RORA: variants seen among roughly 807,000 people sequenced by gnomAD.
RORA encodes RAR related orphan receptor A.
Under a neutral mutation model 69.5 loss-of-function variants are expected in RORA, and 7 were observed. The ratio of observed to expected loss-of-function variants is 0.10; its 90% CI spans 0.06 to 0.19. The LOEUF (loss-of-function observed/expected upper bound fraction) is 0.19. RORA is among the 10% of genes least tolerant of loss of function. The pLI, the probability that RORA is intolerant of heterozygous loss-of-function variation, is 1.00. For missense variants in RORA, 457 were observed against 663.0 expected, an observed-to-expected ratio of 0.69 and a Z score of 3.41; for synonymous variants, 261 against 240.8, an observed-to-expected ratio of 1.08 and a Z score of -0.78.
At chr15:60,992,640 C>A (rs529554530) in intron 1 of RORA, among the ~76,000 whole-genome samples, 2 of 152,006 alleles carry the variant, frequency 1.3e-5, no homozygotes, top group African/African-American at 2.4e-5. Flanking sequence ...ATCTACTCAT[C>A]TGTCGTCATC....
At chr15:61,014,097 A>C (rs1009049513) in intron 1 of RORA, among the ~76,000 whole-genome samples, 1 of 152,114 alleles carries the variant, frequency 6.6e-6, no homozygotes, top group Non-Finnish European at 1.5e-5. Context: ...TGGCTTTTTA[A>C]ATAACAGCTC....
chr15:60,943,692 G>C (rs566570193), intron 1 of RORA, among the ~76,000 whole-genome samples: 1 of 151,910 alleles, frequency 6.6e-6, no homozygotes, highest in African/African-American at 2.4e-5. Context: ...GAGGTGGGGG[G>C]ATTGCCTGAG....
chr15:60,943,227 G>T (rs1296955436), intron 1 of RORA, among the ~76,000 whole-genome samples: 1 of 152,188 alleles, frequency 6.6e-6, no homozygotes, highest in Admixed American at 6.5e-5. Context: ...AGGGTGCTGA[G>T]GAAGACTGCC....
intron 1 of RORA, among the ~76,000 whole-genome samples, chr15:60,974,612 A>G (rs915879359): frequency 2.0e-5 from 3 of 152,202 alleles, no homozygotes; most frequent in African/African-American, 7.2e-5. Flanking sequence ...TTAGCCCTCT[A>G]AAGGCCTCAT....
At chr15:60,829,522 G>T (rs766504064) in intron 1 of RORA, among the ~76,000 whole-genome samples, 19 of 152,188 alleles carry the variant, frequency 1.2e-4, no homozygotes, top group Non-Finnish European at 2.8e-4. Flanking sequence ...TGACTAGGAA[G>T]AAACTTCACA....
chr15:60,941,627 C>A (rs1361881658), intron 1 of RORA, among the ~76,000 whole-genome samples: 1 of 152,208 alleles, frequency 6.6e-6, no homozygotes, highest in Non-Finnish European at 1.5e-5. Context: ...CTCCAGTGTA[C>A]TTTATTTTTA....
rs903403946 is a variant in RORA at position 60,636,450 on chromosome 15, G to A, written c.196+42207C>T. Among the ~76,000 whole-genome samples the A allele has an allele frequency of 1.1e-4, 17 of 152,082 alleles. No homozygotes were observed. The South Asian group carries it at 2.1e-3, about 19-fold the overall frequency. On this transcript the variant is annotated intron_variant, in intron 2 of 10. Transcript: ENST00000335670. ...CAATTACTTTTAATAGCGAATCCCC[G>A]CCCCCCAAAATCATCTAGCAATCTG...
At chr15:60,663,532 T>A (rs1369436060) in intron 2 of RORA, among the ~76,000 whole-genome samples, 2 of 152,264 alleles carry the variant, frequency 1.3e-5, no homozygotes, top group Admixed American at 1.3e-4. Context: ...GTTGGCTCAC[T>A]GCAACCTCTG....
chr15:61,194,320 G>C (rs1260157205), intron 1 of RORA, among the ~76,000 whole-genome samples: 1 of 152,184 alleles, frequency 6.6e-6, no homozygotes, highest in East Asian at 1.9e-4. Context: ...AGCACTTTGG[G>C]AGGCAGAGGC....
chr15:60,489,473 A>T lies in RORA; in HGVS notation c.*7982T>A, dbSNP rs1192554214. 6.6e-6 allele frequency: 1 copy of T among 152,244 alleles called. No individual in the cohort carries two copies. Among genetic ancestry groups the T allele is most frequent in the Non-Finnish European group, 1.5e-5 (1 of 68,042 alleles). 9.4% of individuals were successfully genotyped at this position (152,244 alleles called of 1,614,324 possible). ...GTAATATTACAGAACAATTCTAATC[A>T]ATATTTAATAAGGTTAACTACATCC... On this transcript the variant is annotated 3_prime_UTR_variant, in exon 11 of 11. Coordinates refer to ENST00000335670, the MANE Select transcript of RORA (RefSeq NM_134261.3).
At chr15:60,836,108 T>C (rs2073111349) in intron 1 of RORA, among the ~76,000 whole-genome samples, 1 of 152,216 alleles carries the variant, frequency 6.6e-6, no homozygotes, top group South Asian at 2.1e-4. Flanking sequence ...CAAACTTGGT[T>C]TGTTTTTGAA....
chr15:61,007,707 G>GT (rs1894950843), intron 1 of RORA, among the ~76,000 whole-genome samples: 2 of 148,320 alleles, frequency 1.3e-5, no homozygotes, highest in Non-Finnish European at 3.0e-5. Flanking sequence ...TTAGGCTAAT[G>GT]TTATATAGGC....
At chr15:60,866,718 G>T (rs936281621) in intron 1 of RORA, among the ~76,000 whole-genome samples, 2 of 152,168 alleles carry the variant, frequency 1.3e-5, no homozygotes, top group Admixed American at 6.5e-5. Context: ...GAGATTCCAG[G>T]TTGCTGAAGA....
intron 1 of RORA, among the ~76,000 whole-genome samples, chr15:61,171,091 T>C (rs2079581031): frequency 6.6e-6 from 1 of 152,206 alleles, no homozygotes; most frequent in African/African-American, 2.4e-5. Context: ...GCCCGCCCTC[T>C]TTCCAGGCTC....
chr15:60,945,547 A>G (rs1459386578), intron 1 of RORA, among the ~76,000 whole-genome samples: 1 of 152,160 alleles, frequency 6.6e-6, no homozygotes, highest in Non-Finnish European at 1.5e-5. Context: ...TTTCACCATT[A>G]GGGGAGGAAA....
At chr15:61,094,370 C>T (rs1460894815) in intron 1 of RORA, among the ~76,000 whole-genome samples, 1 of 152,104 alleles carries the variant, frequency 6.6e-6, no homozygotes, top group Non-Finnish European at 1.5e-5. Context: ...TCTAAGTAAT[C>T]AAATATGACC....
intron 1 of RORA, among the ~76,000 whole-genome samples, chr15:60,805,723 TG>T (rs1482555499): frequency 6.6e-5 from 10 of 152,220 alleles, no homozygotes; most frequent in South Asian, 2.1e-4. Context: ...TCTGGCAAAC[TG>T]AGCAAAAAGA....
chr15:60,943,804 T>G (rs940474231), intron 1 of RORA, among the ~76,000 whole-genome samples: 1 of 148,438 alleles, frequency 6.7e-6, no homozygotes, highest in African/African-American at 2.5e-5. Flanking sequence ...TAATCCCAGC[T>G]ACTCGGGAGG....
At chr15:60,887,345 G>A (rs977832385) in intron 1 of RORA, among the ~76,000 whole-genome samples, 2 of 152,128 alleles carry the variant, frequency 1.3e-5, no homozygotes, top group Admixed American at 1.3e-4. Flanking sequence ...TGCTGTCATG[G>A]GGGGTGCATG....
Sources: gnomAD v4.1 joint callset for allele counts (sites outside exome capture counted in the v4.1 genomes callset) on GRCh38, gnomAD v4.1.1 for gene constraint, MANE v1.5 for transcripts, NCBI Gene and HGNC (gene_info 2026-07-23, HGNC 2026-07-21) for gene names.